Variants in ALG12 observed in about 807,000 individuals in gnomAD.
The protein encoded by ALG12 is dol-P-Man:Man(7)GlcNAc(2)-PP-Dol alpha-1,6-mannosyltransferase.
In ALG12, 36 loss-of-function variants were observed where a neutral mutation model predicts 46.0. The ratio of observed to expected loss-of-function variants is 0.78; its 90% confidence interval spans 0.60 to 1.03. The LOEUF (loss-of-function observed/expected upper bound fraction) is 1.03. ALG12 is among the 50% of genes least tolerant of loss of function. ALG12 has a pLI of 0.00. For missense variants in ALG12, 599 were observed against 633.5 expected, an observed-to-expected ratio of 0.95 and a Z score of 0.58; for synonymous variants, 326 against 291.6, an observed-to-expected ratio of 1.12 and a Z score of -1.20.
rs1337460495 is a variant in ALG12, at chr22:49,903,245, T to G, written c.*593A>C. Reference sequence around the variant, plus strand: ...GAGGTTCCAATCAACATTTATTGCCTTATTCTTTTTATCTCATTCCTTTTT... The same window carrying G: ...GAGGTTCCAATCAACATTTATTGCCGTATTCTTTTTATCTCATTCCTTTTT... On this transcript the variant is annotated 3_prime_UTR_variant, in exon 10 of 10. Transcript: ENST00000330817. 2 of 435,280 alleles carry G rather than the reference T, an allele frequency of 4.6e-6. No homozygotes were observed. The highest frequency in any genetic ancestry group is 3.3e-5 in the South Asian group (2 of 60,550). The allele number at this position is 435,280 out of a possible 1,614,324, so 27.0% of individuals were successfully genotyped here.
At chr22:49,910,648 G>C in intron 3 of ALG12, 41 bp from the exon 4 acceptor site, 1 of 1,613,338 alleles carries the variant, frequency 6.2e-7, no homozygotes, top group Non-Finnish European at 8.5e-7. Context: ...TGCAGTGGAG[G>C]AGTATCCAGT....
the ALG12 span, among the ~76,000 whole-genome samples, chr22:49,880,750 GT>G: frequency 1.3e-5 from 2 of 152,064 alleles, no homozygotes; most frequent in South Asian, 4.1e-4. Flanking sequence ...TTAGACTTCT[GT>G]TTATCAGCTA....
At chr22:49,885,331 A>G in the ALG12 span, 4 of 1,592,194 alleles carry the variant, frequency 2.5e-6, no homozygotes, top group Non-Finnish European at 3.4e-6. Flanking sequence ...TCCTGTTAAT[A>G]GCAAAAAGAC....
At chr22:49,881,099 A>G in the ALG12 span, among the ~76,000 whole-genome samples, 36 of 152,312 alleles carry the variant, frequency 2.4e-4, 2 homozygotes, top group South Asian at 7.3e-3. Context: ...TAAACCCAGC[A>G]CTTCGGGAGG....
rs752479211 is a variant in ALG12, at chr22:49,903,963, G to T, written c.1342C>A (p.His448Asn). The change falls in exon 10 of 10, where the codon CAC becomes AAC. Residue 448 changes from histidine to asparagine, a missense_variant. Physicochemically the swap from His to Asn is moderately conservative, Grantham distance 68. Transcript: ENST00000330817. ...PGLLALYRDTHRVLASVVGTT... is the reference protein window; with the variant it reads ...PGLLALYRDTNRVLASVVGTT... Reference sequence around the variant, plus strand: ...CCCACGACGCTGGCCAGGACCCGGTGTGTGTCCCTGTAGAGGGCCAGGAGC... The same window carrying T: ...CCCACGACGCTGGCCAGGACCCGGTTTGTGTCCCTGTAGAGGGCCAGGAGC... 1 of 1,614,112 alleles carries T rather than the reference G, an allele frequency of 6.2e-7. No homozygotes were observed. The highest frequency in any genetic ancestry group is 8.5e-7 in the Non-Finnish European group (1 of 1,180,030).
At chr22:49,880,417 C>T in the ALG12 span, among the ~76,000 whole-genome samples, 4 of 152,204 alleles carry the variant, frequency 2.6e-5, no homozygotes, top group Admixed American at 6.5e-5. Context: ...GGGACATGCT[C>T]GAGACCACCG....
At chr22:49,908,266 A>G (rs2060554984) in intron 6 of ALG12, among the ~76,000 whole-genome samples, 1 of 152,160 alleles carries the variant, frequency 6.6e-6, no homozygotes, top group South Asian at 2.1e-4. Flanking sequence ...GCAGTGGCTC[A>G]TGTCTGTAAT....
Position 49,913,522 on chromosome 22 carries a change from G to T in ALG12, c.163-5C>A. On this transcript the variant is annotated splice_polypyrimidine_tract_variant and splice_region_variant and intron_variant, in intron 2 of 9. Transcript: ENST00000330817. The stretch of plus-strand genomic sequence containing the variant: ...GGGGAACTCAAGATGGTCGTACTGC[G>T]AGGAGAAGGGCAGGTCAGTGCACCG... The T allele has an allele frequency of 6.2e-7, 1 of 1,613,954 alleles. No individual in the cohort carries two copies. The highest frequency in any genetic ancestry group is 1.3e-5 in the African/African-American group (1 of 75,080).
chr22:49,865,178 A>G, the ALG12 span, among the ~76,000 whole-genome samples: 1 of 152,266 alleles, frequency 6.6e-6, no homozygotes, highest in South Asian at 2.1e-4. Flanking sequence ...GCAACTCTGC[A>G]CAGCAGTTAC....
the ALG12 span, chr22:49,883,815 G>T: frequency 1.9e-6 from 3 of 1,613,156 alleles, no homozygotes; most frequent in Non-Finnish European, 2.5e-6. Flanking sequence ...ACATGAAGCA[G>T]ACAGACAGCG....
chr22:49,868,606 C>T, the ALG12 span, among the ~76,000 whole-genome samples: 80 of 152,108 alleles, frequency 5.3e-4, no homozygotes, highest in Non-Finnish European at 8.4e-4. Flanking sequence ...TGAAAACTGA[C>T]CCAAGAAACT....
the ALG12 span, among the ~76,000 whole-genome samples, chr22:49,863,546 G>A: frequency 6.6e-6 from 1 of 151,876 alleles, no homozygotes; most frequent in Non-Finnish European, 1.5e-5. Flanking sequence ...AGAATTGCTT[G>A]AACCGGGGAG....
Position 49,906,562 on chromosome 22 carries a change from CCCCTGTAACAAG to C in ALG12, c.992+1147_992+1158del. 6.6e-6 allele frequency among the ~76,000 whole-genome samples: 1 copy of C among 152,306 alleles called. No homozygotes were observed. Among genetic ancestry groups the C allele is most frequent in the East Asian group, 1.9e-4 (1 of 5,180 alleles). On this transcript the variant is annotated intron_variant, in intron 7 of 9. Transcript: ENST00000330817. The surrounding 1 kb of genome is among the most constrained non-coding windows in gnomAD (Gnocchi z 4.4). ...TCGGAGCTGGGGGGCACCATCCCCT[CCCCTGTAACAAG>C]TGGCACCGGAAAGCACCTGACCGCT...
the ALG12 span, among the ~76,000 whole-genome samples, chr22:49,880,577 C>T: frequency 0.026 from 3,935 of 152,344 alleles, 152 homozygotes; most frequent in African/African-American, 0.086. Flanking sequence ...CTGAAAACGT[C>T]GTTTCGTGCA....
chr22:49,907,570 T>C (rs1006708153), intron 7 of ALG12, 151 bp downstream of exon 7: 2 of 889,366 alleles, frequency 2.2e-6, no homozygotes, highest in Admixed American at 4.0e-5. Flanking sequence ...CCCCTAGGAG[T>C]TGAGGGGTGC....
At chr22:49,909,404 G>A (rs867271660) in intron 5 of ALG12, 57 bp from the exon 6 acceptor site, 32 of 1,513,128 alleles carry the variant, frequency 2.1e-5, no homozygotes, top group African/African-American at 2.8e-5. Flanking sequence ...TAAACATCCC[G>A]CCACAATGCA....
chr22:49,875,168 T>C, the ALG12 span, among the ~76,000 whole-genome samples: 6 of 152,144 alleles, frequency 3.9e-5, no homozygotes, highest in Non-Finnish European at 7.4e-5. Flanking sequence ...ATCAGGGTAA[T>C]GCTGCTGATA....
the ALG12 span, among the ~76,000 whole-genome samples, chr22:49,882,226 C>T: frequency 6.6e-6 from 1 of 152,216 alleles, no homozygotes; most frequent in Non-Finnish European, 1.5e-5. Flanking sequence ...GAAGAGTTCT[C>T]CCACTTTCTG....
At position 49,900,671 on chromosome 22, in the gene ALG12, C is replaced by T. The variant is rs545698009; in HGVS notation, c.*3167G>A. 1 of 151,954 alleles carries T rather than the reference C, an allele frequency of 6.6e-6. No individual in the cohort carries two copies. The highest frequency in any genetic ancestry group is 2.1e-4 in the South Asian group (1 of 4,802). 9.4% of individuals were successfully genotyped at this position (151,954 alleles called of 1,614,324 possible). A position where few individuals can be genotyped will look rare whatever the true frequency, so the allele number is the denominator to read the frequency against. Reference sequence around the variant, plus strand: ...AGCAGGCGTGCACTGGACTCCCTAGCAGATGCGTGAGGATGCTGCTGTTGC... The same window carrying T: ...AGCAGGCGTGCACTGGACTCCCTAGTAGATGCGTGAGGATGCTGCTGTTGC... On this transcript the variant is annotated 3_prime_UTR_variant, in exon 10 of 10. Coordinates refer to ENST00000330817, the MANE Select transcript of ALG12 (RefSeq NM_024105.4).
Sources: allele counts gnomAD v4.1 joint callset (sites outside exome capture counted in the v4.1 genomes callset), GRCh38; gene constraint gnomAD v4.1.1; non-coding constraint Gnocchi (gnomAD v3.1); transcripts MANE v1.5; gene names NCBI Gene and HGNC (gene_info 2026-07-23, HGNC 2026-07-21).